The following NRG1 variants were observed in gnomAD, a reference collection of about 807,000 sequenced individuals.
NRG1 encodes neuregulin 1, also known as pro-neuregulin-1, membrane-bound isoform.
NRG1 carries 18 observed loss-of-function variants against 63.8 expected under a neutral mutation model. That is an observed-to-expected ratio of 0.28 (90% CI 0.19 to 0.42). The LOEUF is 0.42. Among genes scored for constraint, NRG1 ranks in the 10% least tolerant of loss-of-function variants. The pLI, the probability that NRG1 is intolerant of heterozygous loss-of-function variation, is 1.00. For synonymous variants in NRG1, 302 were observed against 301.3 expected, an observed-to-expected ratio of 1.00 and a Z score of -0.02; for missense variants, 762 against 814.7, an observed-to-expected ratio of 0.94 and a Z score of 0.79.
At chr8:31,950,645 G>A (rs1803326274) in intron 1 of NRG1, among the ~76,000 whole-genome samples, 1 of 152,102 alleles carries the variant, frequency 6.6e-6, no homozygotes, top group Admixed American at 6.5e-5. Flanking sequence ...TTAAGGCTTT[G>A]TTTTTTTCTT....
intron 1 of NRG1, among the ~76,000 whole-genome samples, chr8:32,218,065 C>T (rs1563919765): frequency 2.0e-5 from 3 of 152,166 alleles, no homozygotes; most frequent in African/African-American, 2.4e-5. Context: ...TTATCTTAAA[C>T]GGTGAAGAAT....
At chr8:32,281,324 C>T (rs975678459) in intron 1 of NRG1, among the ~76,000 whole-genome samples, 1 of 151,780 alleles carries the variant, frequency 6.6e-6, no homozygotes, top group Non-Finnish European at 1.5e-5. Context: ...ATGACAGGCA[C>T]CTGCCACCAG....
intron 1 of NRG1, among the ~76,000 whole-genome samples, chr8:32,045,002 A>G (rs1369913053): frequency 6.6e-6 from 1 of 151,300 alleles, no homozygotes; most frequent in Non-Finnish European, 1.5e-5. Flanking sequence ...AATCAGAAAA[A>G]CAGTAGAACA....
intron 1 of NRG1, among the ~76,000 whole-genome samples, chr8:32,259,614 C>G: frequency 6.6e-6 from 1 of 152,162 alleles, no homozygotes; most frequent in South Asian, 2.1e-4. Flanking sequence ...CACATAATTA[C>G]CCTCCCCCAA....
chr8:32,666,494 GA>G (rs369958790), intron 5 of NRG1, among the ~76,000 whole-genome samples: 6 of 151,806 alleles, frequency 4.0e-5, no homozygotes, highest in Non-Finnish European at 7.4e-5. Context: ...TCAAGAGGGG[GA>G]AAAAAAAGAG....
chr8:32,588,678 C>T (rs1039283476), intron 1 of NRG1, among the ~76,000 whole-genome samples: 11 of 152,214 alleles, frequency 7.2e-5, no homozygotes, highest in African/African-American at 2.4e-4. Context: ...GGACATGGAA[C>T]TGCTAGAATG....
intron 1 of NRG1, among the ~76,000 whole-genome samples, chr8:32,518,530 G>T (rs1422445753): frequency 6.6e-6 from 1 of 152,144 alleles, no homozygotes; most frequent in Non-Finnish European, 1.5e-5. Context: ...AATGTAATTT[G>T]TACAAAGAGT....
intron 1 of NRG1, among the ~76,000 whole-genome samples, chr8:32,068,748 C>T (rs962405605): frequency 1.3e-5 from 2 of 152,164 alleles, no homozygotes; most frequent in Admixed American, 6.5e-5. Context: ...GATAGCAGTG[C>T]AAGATGTCTT....
chr8:32,460,649 C>T (rs1822192391), intron 1 of NRG1, among the ~76,000 whole-genome samples: 2 of 152,182 alleles, frequency 1.3e-5, no homozygotes, highest in Admixed American at 6.5e-5. Flanking sequence ...CACAAGTAGG[C>T]AACTGGAGGC....
At chr8:32,591,801 T>C (rs1314637123) in intron 1 of NRG1, among the ~76,000 whole-genome samples, 1 of 151,834 alleles carries the variant, frequency 6.6e-6, no homozygotes, top group East Asian at 1.9e-4. Flanking sequence ...GAGCGGAGGG[T>C]GAGAAGAACG....
At chr8:31,660,502 T>C (rs1483248172) in intron 1 of NRG1, among the ~76,000 whole-genome samples, 1 of 152,242 alleles carries the variant, frequency 6.6e-6, no homozygotes, top group African/African-American at 2.4e-5. Context: ...CAGAAGAATG[T>C]TGCATATATT....
At chr8:32,158,447 T>TTATATATATATATATATATA (rs1563852043) in intron 1 of NRG1, among the ~76,000 whole-genome samples, 5 of 30,272 alleles carry the variant, frequency 1.7e-4, no homozygotes, top group Non-Finnish European at 3.5e-4. Flanking sequence ...TTGGTTTACA[T>TTATATATATATATATATATA]GATATATATA....
rs1187697947 is a variant in NRG1, at chr8:31,809,260, T to C, written c.37+169829T>C. Among the ~76,000 whole-genome samples, 3 of 151,154 alleles carry C rather than the reference T, an allele frequency of 2.0e-5. No homozygotes were observed. The East Asian group carries it at 5.9e-4, about 30-fold the overall frequency. On this transcript the variant is annotated intron_variant, in intron 1 of 10. Coordinates refer to the NRG1 transcript ENST00000519301. ...TAAGTGCTGGTCTTGTTTAGTAATC[T>C]TGTATACCTCAGGGGAAATTTCAGT...
At chr8:31,892,309 A>G (rs1248860352) in intron 1 of NRG1, among the ~76,000 whole-genome samples, 1 of 152,122 alleles carries the variant, frequency 6.6e-6, no homozygotes, top group African/African-American at 2.4e-5. Context: ...AGTCACTGAA[A>G]ACTCTCAATT....
At chr8:32,769,326 G>A (rs182015617), downstream of NRG1, among the ~76,000 whole-genome samples, 23 of 152,078 alleles carry the variant, frequency 1.5e-4, no homozygotes, top group South Asian at 2.1e-4. Context: ...GTGAAGACTC[G>A]CAGCCAGATT....
chr8:31,655,892 C>A (rs1450412482), intron 1 of NRG1, among the ~76,000 whole-genome samples: 1 of 152,130 alleles, frequency 6.6e-6, no homozygotes, highest in Non-Finnish European at 1.5e-5. Flanking sequence ...GAGGATGGCC[C>A]CCAGTGTTCT....
chr8:32,694,006 AT>A (rs1285092427), intron 5 of NRG1, among the ~76,000 whole-genome samples: 1 of 152,084 alleles, frequency 6.6e-6, no homozygotes, highest in Non-Finnish European at 1.5e-5. Context: ...CTGGACTTTA[AT>A]TTCTTCCTGT....
At chr8:32,326,607 G>T (rs767293969) in intron 1 of NRG1, among the ~76,000 whole-genome samples, 1 of 152,048 alleles carries the variant, frequency 6.6e-6, no homozygotes, top group Non-Finnish European at 1.5e-5. Context: ...GGGACTACAG[G>T]CATGAGCCAC....
chr8:31,737,331 G>T (rs1041585985), intron 1 of NRG1, among the ~76,000 whole-genome samples: 1 of 151,974 alleles, frequency 6.6e-6, no homozygotes, highest in African/African-American at 2.4e-5. Context: ...TAGGGCCCTG[G>T]TCTCAATTAC....
Sources: gnomAD v4.1 joint callset for allele counts (sites outside exome capture counted in the v4.1 genomes callset) on GRCh38, gnomAD v4.1.1 for gene constraint, MANE v1.5 for transcripts, NCBI Gene and HGNC (gene_info 2026-07-23, HGNC 2026-07-21) for gene names.